Variants in PNPLA6 observed in about 807,000 individuals in gnomAD.
PNPLA6 encodes patatin-like phospholipase domain-containing protein 6.
In PNPLA6, 105 loss-of-function variants were observed where a neutral mutation model predicts 153.7. That is an observed-to-expected ratio of 0.68 (90% confidence interval 0.58 to 0.80). PNPLA6 has a LOEUF of 0.80. Ranked by LOEUF, PNPLA6 falls within the 30% of genes least tolerant of loss-of-function variation. PNPLA6 has a pLI of 0.00. For synonymous variants in PNPLA6, 825 were observed against 822.2 expected (o/e 1.00, Z -0.06); for missense variants, 1,423 against 1,919.3 (o/e 0.74, Z 4.83).
intron 29 of PNPLA6, 55 bp from the exon 30 acceptor site, chr19:7,560,959 G>C (rs1446961791): frequency 8.5e-7 from 1 of 1,181,974 alleles, no homozygotes; most frequent in Non-Finnish European, 1.2e-6. Context: ...GGCCCCCCAG[G>C]GGCCCCAAGA....
At position 7,550,553 on chromosome 19, in the gene PNPLA6, C is replaced by T; in HGVS notation, c.1983C>T (p.Leu661=). The part of the protein sequence containing the change: ...GDRSDCTYIV[L]NGRLRSVIQR... Reference sequence around the variant, plus strand: ...GCTCCGACTGCACTTACATCGTGCTCAATGGGCGGCTGCGTAGCGTGATCC... The same window carrying T: ...GCTCCGACTGCACTTACATCGTGCTTAATGGGCGGCTGCGTAGCGTGATCC... The change falls in exon 16 of 32, where the codon CTC becomes CTT. Residue 661 remains leucine, a synonymous_variant. Coordinates refer to ENST00000600737, the MANE Select transcript of PNPLA6 (RefSeq NM_001166114.2). 2.5e-6 allele frequency: 4 copies of T among 1,613,280 alleles called. No individual in the cohort carries two copies. Among genetic ancestry groups the T allele is most frequent in the Non-Finnish European group, 3.4e-6 (4 of 1,179,918 alleles).
chr19:7,554,612 C>T lies in PNPLA6; in HGVS notation c.2523C>T (p.Ile841=), dbSNP rs375484169. The change falls in exon 21 of 32, where the codon ATC becomes ATT. Residue 841 remains isoleucine (I), a synonymous_variant. Transcript: ENST00000600737. ...WLAQQEDAHR[I]VLYQTDASLT... ...CCCAGCAGGAGGATGCACACCGTAT[C>T]GTACTCTACCAGACGGACGCCTCGC... 7 of 1,613,968 alleles carry T rather than the reference C, an allele frequency of 4.3e-6. No homozygotes were observed. The highest frequency in any genetic ancestry group is 1.7e-5 in the Admixed American group (1 of 60,004).
At position 7,535,787 on chromosome 19, in the gene PNPLA6, A is replaced by C. The variant is rs1414421044; in HGVS notation, c.-2A>C. On this transcript the variant is annotated 5_prime_UTR_variant, in exon 1 of 32. Transcript: ENST00000600737. This position sits in a 1 kb window ranked among gnomAD's most constrained non-coding sequence, Gnocchi z 5.0. ...AGGGAGCAGCACTGGCCCATTCTGC[A>C]GATGGGGACATCGAGTCACGGGCTG... 2 of 1,535,502 alleles carry C rather than the reference A, an allele frequency of 1.3e-6. No homozygotes were observed. The highest frequency in any genetic ancestry group is 2.0e-5 in the Admixed American group (1 of 50,946).
chr19:7,557,949 C>CAA (rs2023956858), intron 27 of PNPLA6, among the ~76,000 whole-genome samples: 4 of 151,562 alleles, frequency 2.6e-5, no homozygotes, highest in East Asian at 1.9e-4. Context: ...TATATATGCA[C>CAA]ATGCTTTCTC....
At chr19:7,557,611 C>T (rs2023939041) in intron 27 of PNPLA6, 2 of 374,730 alleles carry the variant, frequency 5.3e-6, no homozygotes, top group Admixed American at 7.4e-5. Flanking sequence ...TGGTGAAACC[C>T]CGTCTCTACT....
chr19:7,557,422 G>A lies in PNPLA6; in HGVS notation c.3397+138G>A, dbSNP rs892255925. ...CATGCAGGGGTGCAGACACACATGCGCACACATACGATCACTTGCACAAAA... is the reference window on the plus strand; with the variant it reads ...CATGCAGGGGTGCAGACACACATGCACACACATACGATCACTTGCACAAAA... On this transcript the variant is annotated intron_variant, in intron 27 of 31. Coordinates refer to ENST00000600737, the MANE Select transcript of PNPLA6 (RefSeq NM_001166114.2). 1.9e-4 allele frequency: 130 copies of A among 699,580 alleles called. 1 individual carries two copies. The highest frequency in any genetic ancestry group is 2.1e-4 in the Non-Finnish European group (80 of 382,840). 43.3% of individuals were successfully genotyped at this position (699,580 alleles called of 1,614,324 possible).
intron 18 of PNPLA6, among the ~76,000 whole-genome samples, chr19:7,552,496 C>T (rs2023693505): frequency 1.3e-5 from 2 of 152,144 alleles, no homozygotes; most frequent in African/African-American, 2.4e-5. Context: ...TGGGTCACGC[C>T]TGTAATCTCA....
At position 7,554,262 on chromosome 19, in the gene PNPLA6, G is replaced by A. The variant is rs2146100619; in HGVS notation, c.2455G>A (p.Ala819Thr). 1.2e-6 allele frequency: 2 copies of A among 1,613,768 alleles called. No homozygotes were observed. Among genetic ancestry groups the A allele is most frequent in the East Asian group, 2.2e-5 (1 of 44,860 alleles). The change falls in exon 20 of 32, where the codon GCA (alanine) becomes ACA (threonine). Residue 819 changes from alanine (A) to threonine (T), a missense_variant. Physicochemically the swap from Ala to Thr is moderately conservative, Grantham distance 58. Coordinates refer to ENST00000600737, the MANE Select transcript of PNPLA6 (RefSeq NM_001166114.2). ...CATCCGGGCACGCCTGGGGGCCTCC[G>A]CACTGGATAGGTGTGTGTTGCAGAA... ...DIIRARLGAS[A>T]LDSIQEFRLS...
chr19:7,560,984 C>CT, intron 29 of PNPLA6, 30 bp from the exon 30 acceptor site: 1 of 1,502,606 alleles, frequency 6.7e-7, no homozygotes. Context: ...GTGGGCCCCC[C>CT]CTAAGAGCCT....
chr19:7,560,564 T>C, intron 28 of PNPLA6, 84 bp from the exon 29 acceptor site: 1 of 954,122 alleles, frequency 1.0e-6, no homozygotes, highest in Non-Finnish European at 1.7e-6. Flanking sequence ...AATCAGGCTT[T>C]TGAGGGGCCA....
Position 7,555,181 on chromosome 19 carries a change from G to T in PNPLA6, c.2818-68G>T, listed in dbSNP as rs2023818029. On this transcript the variant is annotated intron_variant, in intron 22 of 31. Coordinates refer to ENST00000600737, the MANE Select transcript of PNPLA6 (RefSeq NM_001166114.2). This position sits in a 1 kb window ranked among gnomAD's most constrained non-coding sequence, Gnocchi z 6.3. Reference sequence around the variant, plus strand: ...GCTGAGGACAGGCTCGAAGGTCAGGGTACCCCTGGGGGATCCGCCGGACCC... The same window carrying T: ...GCTGAGGACAGGCTCGAAGGTCAGGTTACCCCTGGGGGATCCGCCGGACCC... The T allele has an allele frequency of 2.6e-6, 4 of 1,525,644 alleles. No individual in the cohort carries two copies. Among genetic ancestry groups the T allele is most frequent in the Non-Finnish European group, 3.6e-6 (4 of 1,124,588 alleles). 94.5% of individuals were successfully genotyped at this position (1,525,644 alleles called of 1,614,324 possible). A position where few individuals can be genotyped will look rare whatever the true frequency, so the allele number is the denominator to read the frequency against.
intron 13 of PNPLA6, among the ~76,000 whole-genome samples, chr19:7,545,377 T>C (rs2023344840): frequency 6.6e-6 from 1 of 152,156 alleles, no homozygotes; most frequent in Non-Finnish European, 1.5e-5. Context: ...TTATATCTCC[T>C]GGGACTGTGC....
In PNPLA6 at chr19:7,540,094, C is replaced by T; in HGVS notation, c.554+36C>T. 6.2e-7 allele frequency: 1 copy of T among 1,613,940 alleles called. No individual in the cohort carries two copies. Among genetic ancestry groups the T allele is most frequent in the Non-Finnish European group, 8.5e-7 (1 of 1,180,008 alleles). On this transcript the variant is annotated intron_variant, in intron 4 of 31. Transcript: ENST00000600737. The surrounding 1 kb of genome is among the most constrained non-coding windows in gnomAD (Gnocchi z 6.8). ...GGGTGCAGGTGGGGGTGGAGGGCTG[C>T]AGACGTGGGGCCGCCCTGACCTCCA...
chr19:7,556,412 A>G (rs759422803), intron 24 of PNPLA6, 41 bp from the exon 25 acceptor site: 2 of 1,214,324 alleles, frequency 1.6e-6, no homozygotes, highest in Non-Finnish European at 2.5e-6. Context: ...CTGTGACCCC[A>G]TGTAACTCCT....
chr19:7,554,295 G>A (rs1248213232), intron 20 of PNPLA6, 23 bp downstream of exon 20: 8 of 1,607,364 alleles, frequency 5.0e-6, no homozygotes, highest in Non-Finnish European at 6.8e-6. Context: ...GAAGGGAGTG[G>A]GGAGGGTGGT....
In PNPLA6 at chr19:7,555,251, T is replaced by C. The variant is rs777628706; in HGVS notation, c.2820T>C (p.His940=). The C allele has an allele frequency of 1.9e-6, 3 of 1,596,464 alleles. No individual in the cohort carries two copies. The African/African-American group carries it at 4.0e-5, about 21-fold the overall frequency. The change falls in exon 23 of 32, where the codon CAT becomes CAC. Residue 940 remains histidine, a splice_region_variant and synonymous_variant. Transcript: ENST00000600737. The surrounding 1 kb of genome is among the most constrained non-coding windows in gnomAD (Gnocchi z 6.3). ...LFSRRSPAKL[H]ELYEKVFSRR... Reference sequence around the variant, plus strand: ...CGCGACTATCTCCCCCATCCCAGCATGAGCTCTACGAGAAGGTTTTCTCCA... The same window carrying C: ...CGCGACTATCTCCCCCATCCCAGCACGAGCTCTACGAGAAGGTTTTCTCCA...
At position 7,540,534 on chromosome 19, in the gene PNPLA6, G is replaced by T. The variant is rs1420773272; in HGVS notation, c.715-96G>T. Reference sequence around the variant, plus strand: ...GGGTTGGTGGGTTCCCCTGAGAAGGGATGAGAAGTGTCAGTGATCATTGGG... The same window carrying T: ...GGGTTGGTGGGTTCCCCTGAGAAGGTATGAGAAGTGTCAGTGATCATTGGG... On this transcript the variant is annotated intron_variant, in intron 5 of 31. Transcript: ENST00000600737. This position sits in a 1 kb window ranked among gnomAD's most constrained non-coding sequence, Gnocchi z 6.8. The T allele has an allele frequency of 1.8e-6, 2 of 1,124,134 alleles. No homozygotes were observed. The highest frequency in any genetic ancestry group is 2.7e-6 in the Non-Finnish European group (2 of 735,468). 69.6% of individuals were successfully genotyped at this position (1,124,134 alleles called of 1,614,324 possible).
chr19:7,555,417 G>A lies in PNPLA6; in HGVS notation c.2936+50G>A. On this transcript the variant is annotated intron_variant, in intron 23 of 31. Coordinates refer to ENST00000600737, the MANE Select transcript of PNPLA6 (RefSeq NM_001166114.2). This position sits in a 1 kb window ranked among gnomAD's most constrained non-coding sequence, Gnocchi z 6.3. The stretch of plus-strand genomic sequence containing the variant: ...GGGCGGGGCCTGGATGTCCGAGGGT[G>A]GAGCTTCCTGGGAGAAACCGTGGGG... The A allele has an allele frequency of 2.1e-6, 3 of 1,409,564 alleles. No individual in the cohort carries two copies. Among genetic ancestry groups the A allele is most frequent in the Non-Finnish European group, 2.9e-6 (3 of 1,028,812 alleles). The allele number at this position is 1,409,564 out of a possible 1,614,324, so 87.3% of individuals were successfully genotyped here.
chr19:7,536,926 C>CAAAAA (rs56310906), intron 3 of PNPLA6, among the ~76,000 whole-genome samples: 15 of 53,960 alleles, frequency 2.8e-4, no homozygotes, highest in Non-Finnish European at 4.2e-4. Context: ...GACTCTGTCT[C>CAAAAA]AAAAAAAAAA....
Sources: allele counts gnomAD v4.1 joint callset (sites outside exome capture counted in the v4.1 genomes callset), GRCh38; gene constraint gnomAD v4.1.1; non-coding constraint Gnocchi (gnomAD v3.1); transcripts MANE v1.5; gene names NCBI Gene and HGNC (gene_info 2026-07-23, HGNC 2026-07-21).